ROBO2: variants seen among roughly 807,000 people sequenced by gnomAD.
The protein encoded by ROBO2 is roundabout homolog 2.
Under a neutral mutation model 160.8 loss-of-function variants are expected in ROBO2, and 53 were observed. That is an observed-to-expected ratio of 0.33 (90% confidence interval 0.26 to 0.41). ROBO2 has a LOEUF of 0.41. ROBO2 is among the 10% of genes least tolerant of loss of function. The pLI is 1.00. For synonymous variants in ROBO2, 664 were observed against 611.7 expected, an observed-to-expected ratio of 1.09 and a Z score of -1.26; for missense variants, 1,577 against 1,722.4, an observed-to-expected ratio of 0.92 and a Z score of 1.49.
intron 2 of ROBO2, among the ~76,000 whole-genome samples, chr3:76,374,076 G>T (rs547654577): frequency 2.6e-5 from 4 of 151,908 alleles, no homozygotes; most frequent in Admixed American, 2.6e-4. Flanking sequence ...GATTCAGAGG[G>T]GCAATTACAT....
At chr3:76,173,519 C>T (rs1249775941) in intron 2 of ROBO2, among the ~76,000 whole-genome samples, 1 of 151,850 alleles carries the variant, frequency 6.6e-6, no homozygotes, top group Non-Finnish European at 1.5e-5. Context: ...CCCTTGACCC[C>T]CACCCCTGAC....
At chr3:77,415,138 T>C (rs1449240400) in intron 2 of ROBO2, among the ~76,000 whole-genome samples, 1 of 152,176 alleles carries the variant, frequency 6.6e-6, no homozygotes, top group African/African-American at 2.4e-5. Context: ...GTCAGTTGTT[T>C]GTAAGTGCAG....
intron 2 of ROBO2, among the ~76,000 whole-genome samples, chr3:76,406,873 A>G (rs540909279): frequency 3.9e-5 from 6 of 151,994 alleles, no homozygotes; most frequent in Admixed American, 2.6e-4. Context: ...TTTCTTTGAA[A>G]CCATTTATCA....
At chr3:76,191,513 C>G (rs1290771142) in intron 2 of ROBO2, among the ~76,000 whole-genome samples, 1 of 141,086 alleles carries the variant, frequency 7.1e-6, no homozygotes, top group Non-Finnish European at 1.6e-5. Context: ...CAGAATATGT[C>G]TTAGCCCTCC....
intron 2 of ROBO2, among the ~76,000 whole-genome samples, chr3:75,979,995 A>C (rs2065233721): frequency 6.6e-6 from 1 of 151,578 alleles, no homozygotes; most frequent in South Asian, 2.1e-4. Context: ...CATCATACAA[A>C]ATTAAAAATC....
Position 76,893,041 on chromosome 3 carries a change from T to C in ROBO2, c.110-204973T>C, listed in dbSNP as rs115725601. On this transcript the variant is annotated intron_variant, in intron 2 of 26. Transcript: ENST00000487694. ...CTATTCTGTTTTTTGCCTGAAACTG[T>C]CTCCTCCAATTGGAACCCTGGATTC... Among the ~76,000 whole-genome samples, 1,001 of 152,238 alleles carry C rather than the reference T, an allele frequency of 6.6e-3. 10 individuals carry two copies. The highest frequency in any genetic ancestry group is 0.023 in the African/African-American group (953 of 41,540).
intron 2 of ROBO2, among the ~76,000 whole-genome samples, chr3:76,428,828 C>G (rs1399435411): frequency 6.6e-6 from 1 of 152,132 alleles, no homozygotes; most frequent in Non-Finnish European, 1.5e-5. Context: ...AAGCTGGTTC[C>G]TCGACCTTAC....
At chr3:77,247,705 G>C (rs182790362) in intron 2 of ROBO2, among the ~76,000 whole-genome samples, 8 of 152,252 alleles carry the variant, frequency 5.3e-5, no homozygotes, top group Non-Finnish European at 8.8e-5. Context: ...CTCTCTTTTT[G>C]CTTTAGGTTA....
chr3:77,420,242 T>A (rs567731634), intron 2 of ROBO2, among the ~76,000 whole-genome samples: 1 of 146,110 alleles, frequency 6.8e-6, no homozygotes, highest in African/African-American at 2.6e-5. Context: ...TTAAGGTAAC[T>A]ATTTTACAGA....
chr3:76,165,032 C>T (rs1180170818), intron 2 of ROBO2, among the ~76,000 whole-genome samples: 1 of 148,742 alleles, frequency 6.7e-6, no homozygotes, highest in African/African-American at 2.5e-5. Flanking sequence ...AATGTATAAA[C>T]CATATTTGAC....
intron 2 of ROBO2, among the ~76,000 whole-genome samples, chr3:77,358,723 T>C (rs1294416460): frequency 1.3e-5 from 2 of 152,244 alleles, no homozygotes; most frequent in Non-Finnish European, 2.9e-5. Flanking sequence ...TGAGATTTTA[T>C]ATCTAGATAA....
chr3:76,806,484 A>G (rs978122050), intron 2 of ROBO2, among the ~76,000 whole-genome samples: 2 of 151,988 alleles, frequency 1.3e-5, no homozygotes, highest in African/African-American at 4.8e-5. Flanking sequence ...AGGAAGGTGC[A>G]ATGTAGTTTG....
intron 2 of ROBO2, among the ~76,000 whole-genome samples, chr3:76,015,321 T>C (rs959725466): frequency 1.3e-5 from 2 of 152,210 alleles, no homozygotes; most frequent in Non-Finnish European, 2.9e-5. Flanking sequence ...ACTTGTCATG[T>C]ATACTTAAAA....
intron 2 of ROBO2, among the ~76,000 whole-genome samples, chr3:77,116,862 A>G (rs1313083486): frequency 1.3e-5 from 2 of 152,176 alleles, no homozygotes; most frequent in African/African-American, 4.8e-5. Flanking sequence ...CGACAGATAG[A>G]AAATTACTGA....
intron 2 of ROBO2, among the ~76,000 whole-genome samples, chr3:76,621,302 G>C (rs750444): frequency 6.6e-6 from 1 of 151,754 alleles, no homozygotes; most frequent in African/African-American, 2.4e-5. Flanking sequence ...TATCCTTTTT[G>C]GCAGATAGAA....
chr3:77,456,854 A>G (rs2081697495), intron 2 of ROBO2, among the ~76,000 whole-genome samples: 1 of 152,164 alleles, frequency 6.6e-6, no homozygotes, highest in African/African-American at 2.4e-5. Flanking sequence ...CCCATCATGG[A>G]ACACAACTCA....
intron 2 of ROBO2, among the ~76,000 whole-genome samples, chr3:77,351,556 G>T (rs143926579): frequency 2.0e-5 from 3 of 152,238 alleles, no homozygotes; most frequent in Admixed American, 2.0e-4. Context: ...GTTGAGAATC[G>T]TAAGGTGCCT....
At chr3:77,251,263 A>G (rs544495043) in intron 2 of ROBO2, among the ~76,000 whole-genome samples, 4 of 152,216 alleles carry the variant, frequency 2.6e-5, no homozygotes, top group East Asian at 1.9e-4. Flanking sequence ...CAGATTTAAT[A>G]TGATGTGGAC....
intron 2 of ROBO2, among the ~76,000 whole-genome samples, chr3:76,328,908 T>TTATATATATATA (rs201466987): frequency 1.9e-3 from 257 of 135,980 alleles, no homozygotes; most frequent in African/African-American, 3.3e-3. Context: ...ATTTATGTTA[T>TTATATATATATA]TATATATATA....
Sources: gnomAD v4.1 joint callset for allele counts (sites outside exome capture counted in the v4.1 genomes callset) on GRCh38, gnomAD v4.1.1 for gene constraint, MANE v1.5 for transcripts, NCBI Gene and HGNC (gene_info 2026-07-23, HGNC 2026-07-21) for gene names.